Variants in LPIN1 observed in about 807,000 individuals in gnomAD.
The protein encoded by LPIN1 is lipin 1.
A neutral mutation model predicts 107.5 loss-of-function variants in LPIN1; 71 were observed. The observed-to-expected ratio is 0.66, with a 90% confidence interval of 0.55 to 0.80. The LOEUF (loss-of-function observed/expected upper bound fraction) is 0.80. LPIN1 is among the 30% of genes least tolerant of loss of function. The pLI is 0.00. For missense variants in LPIN1, 1,043 were observed against 1,160.6 expected, an observed-to-expected ratio of 0.90 and a Z score of 1.47; for synonymous variants, 445 against 452.6, an observed-to-expected ratio of 0.98 and a Z score of 0.21.
chr2:11,725,326 T>C (rs1664526010), intron 1 of LPIN1, among the ~76,000 whole-genome samples: 1 of 152,198 alleles, frequency 6.6e-6, no homozygotes, highest in Non-Finnish European at 1.5e-5. Flanking sequence ...TGCCATTAGA[T>C]GCATGGGCCA....
intron 1 of LPIN1, among the ~76,000 whole-genome samples, chr2:11,740,621 TTGCAGTGAGCCAAGATCACCCCAC>T (rs1170341273): frequency 7.1e-6 from 1 of 140,866 alleles, no homozygotes; most frequent in African/African-American, 2.7e-5. Flanking sequence ...TAGGTGGAGG[TTGCAGTGAGCCAAGATCACCCCAC>T]TGCACTCCAG....
chr2:11,815,326 C>T (rs997590713), intron 18 of LPIN1, 86 bp downstream of exon 18: 25 of 1,481,348 alleles, frequency 1.7e-5, no homozygotes, highest in African/African-American at 2.8e-5. Flanking sequence ...AGAATAGCCT[C>T]CTCACTGGTC....
intron 1 of LPIN1, among the ~76,000 whole-genome samples, chr2:11,680,440 G>A (rs905910594): frequency 1.3e-5 from 2 of 152,082 alleles, no homozygotes; most frequent in Non-Finnish European, 2.9e-5. Flanking sequence ...ATCTGGGGGC[G>A]GTGCGTGAAA....
chr2:11,765,533 G>T lies in LPIN1; in HGVS notation c.-9G>T, dbSNP rs1670717436. The T allele has an allele frequency of 6.2e-7, 1 of 1,612,620 alleles. No individual in the cohort carries two copies. Among genetic ancestry groups the T allele is most frequent in the Non-Finnish European group, 8.5e-7 (1 of 1,178,986 alleles). ...GTGTTTTTTTTTGTCTGTTTTCCAG[G>T]TGCAGACCATGAATTACGTGGGGCA... On this transcript the variant is annotated splice_region_variant and 5_prime_UTR_variant, in exon 2 of 21. Coordinates refer to ENST00000674199, the MANE Select transcript of LPIN1 (RefSeq NM_001349206.2). This position sits in a 1 kb window ranked among gnomAD's most constrained non-coding sequence, Gnocchi z 4.4.
At chr2:11,700,468 GCTCTCT>G (rs147476201) in intron 1 of LPIN1, among the ~76,000 whole-genome samples, 8 of 147,692 alleles carry the variant, frequency 5.4e-5, no homozygotes, top group Non-Finnish European at 9.0e-5. Flanking sequence ...CTCTCTCTCA[GCTCTCT>G]CTCTCTCTCT....
At chr2:11,782,055 A>G in intron 7 of LPIN1, 146 bp from the exon 8 acceptor site, 1 of 671,600 alleles carries the variant, frequency 1.5e-6, no homozygotes. Flanking sequence ...ACTTTTTGGC[A>G]GGTATAGAAA....
At chr2:11,792,068 T>C in intron 13 of LPIN1, 62 bp downstream of exon 13, 1 of 1,346,386 alleles carries the variant, frequency 7.4e-7, no homozygotes, top group South Asian at 1.2e-5. Context: ...GTAGTGAGAT[T>C]GGTTTTCATG....
At chr2:11,805,294 G>A (rs530544582) in intron 17 of LPIN1, 138 bp downstream of exon 17, 7 of 732,860 alleles carry the variant, frequency 9.6e-6, no homozygotes, top group South Asian at 8.8e-5. Context: ...GGCAGTGGGG[G>A]TCAGGGGTAG....
chr2:11,782,531 C>A, intron 8 of LPIN1, 24 bp downstream of exon 8: 1 of 1,613,070 alleles, frequency 6.2e-7, no homozygotes, highest in Admixed American at 1.7e-5. Context: ...GGCTTCCCGG[C>A]TCTTTTTCTG....
intron 1 of LPIN1, among the ~76,000 whole-genome samples, chr2:11,736,986 T>A (rs1665850446): frequency 6.6e-6 from 1 of 152,190 alleles, no homozygotes; most frequent in Admixed American, 6.5e-5. Context: ...GACACAGATG[T>A]GCTGATCTGA....
At chr2:11,724,023 G>C (rs976264940), upstream of LPIN1, 1 of 151,982 alleles carries the variant, frequency 6.6e-6, no homozygotes, top group African/African-American at 2.4e-5. Context: ...TCAGTTTTTT[G>C]GAGTGCAGCA....
At chr2:11,785,697 C>T (rs1211531551) in intron 10 of LPIN1, among the ~76,000 whole-genome samples, 1 of 152,066 alleles carries the variant, frequency 6.6e-6, no homozygotes, top group Non-Finnish European at 1.5e-5. Context: ...CGTGGTATTT[C>T]TAGCAGGGAA....
At chr2:11,714,143 C>T (rs1473966722) in intron 2 of LPIN1, among the ~76,000 whole-genome samples, 1 of 152,250 alleles carries the variant, frequency 6.6e-6, no homozygotes, top group Non-Finnish European at 1.5e-5. Context: ...TGCATTCACA[C>T]TCATGTCATT....
At chr2:11,760,687 G>C (rs970963710) in intron 1 of LPIN1, among the ~76,000 whole-genome samples, 2 of 152,104 alleles carry the variant, frequency 1.3e-5, no homozygotes, top group African/African-American at 4.8e-5. Flanking sequence ...GGGACAGGGA[G>C]ACGGTGGGGA....
At position 11,785,088 on chromosome 2, in the gene LPIN1, C is replaced by G. The variant is rs749927605; in HGVS notation, c.1549+12C>G. 9 of 1,538,082 alleles carry G rather than the reference C, an allele frequency of 5.9e-6. No homozygotes were observed. Among genetic ancestry groups the G allele is most frequent in the Non-Finnish European group, 7.8e-6 (9 of 1,146,752 alleles). On this transcript the variant is annotated intron_variant, in intron 10 of 20. Transcript: ENST00000674199. ...GGAGATCACGAAAGGTACCGCGGGC[C>G]TCGCGCGGGCGCCCTCTGGTGGCCG...
chr2:11,739,435 A>G (rs537660841), intron 1 of LPIN1, among the ~76,000 whole-genome samples: 1 of 152,216 alleles, frequency 6.6e-6, no homozygotes, highest in African/African-American at 2.4e-5. Flanking sequence ...GGTAAATTTT[A>G]TGCAACAAAA....
At chr2:11,780,514 T>A (rs1401938480) in intron 7 of LPIN1, among the ~76,000 whole-genome samples, 1 of 152,238 alleles carries the variant, frequency 6.6e-6, no homozygotes, top group Non-Finnish European at 1.5e-5. Flanking sequence ...CTTAAGGTTT[T>A]GATTCATCAA....
chr2:11,812,550 CA>C (rs1291370338), intron 17 of LPIN1, among the ~76,000 whole-genome samples: 3 of 152,104 alleles, frequency 2.0e-5, no homozygotes, highest in Non-Finnish European at 4.4e-5. Context: ...GTGCTCTAGG[CA>C]GGAGGAACGG....
At chr2:11,716,869 A>T (rs1038031602) in intron 2 of LPIN1, among the ~76,000 whole-genome samples, 2 of 152,212 alleles carry the variant, frequency 1.3e-5, no homozygotes, top group Non-Finnish European at 2.9e-5. Flanking sequence ...GCTACACCAG[A>T]AGCAACACCA....
Sources: gnomAD v4.1 joint callset for allele counts (sites outside exome capture counted in the v4.1 genomes callset) on GRCh38, gnomAD v4.1.1 for gene constraint, Gnocchi (gnomAD v3.1) non-coding constraint, MANE v1.5 for transcripts, NCBI Gene and HGNC (gene_info 2026-07-23, HGNC 2026-07-21) for gene names.